The following PLD1 variants were observed in gnomAD, a reference collection of about 807,000 sequenced individuals.
PLD1 encodes choline phosphatase 1.
Under a neutral mutation model 137.1 loss-of-function variants are expected in PLD1, and 112 were observed. The ratio of observed to expected loss-of-function variants is 0.82; its 90% CI spans 0.70 to 0.96. PLD1 has a LOEUF of 0.96. PLD1 is among the 40% of genes least tolerant of loss of function. The probability of loss-of-function intolerance (pLI) is 0.00; values close to 1 mark genes in which losing one functional copy is unlikely to be tolerated. For missense variants in PLD1, 1,321 were observed against 1,342.0 expected, an observed-to-expected ratio of 0.98 and a Z score of 0.24; for synonymous variants, 431 against 454.7, an observed-to-expected ratio of 0.95 and a Z score of 0.66.
chr3:171,643,167 T>C, intron 22 of PLD1: 1 of 312,290 alleles, frequency 3.2e-6, no homozygotes, highest in Non-Finnish European at 5.8e-6. Flanking sequence ...AGAAGGGTCA[T>C]GAATGAACTT....
intron 8 of PLD1, among the ~76,000 whole-genome samples, chr3:171,724,422 A>G (rs1194089136): frequency 6.6e-6 from 1 of 152,166 alleles, no homozygotes; most frequent in East Asian, 1.9e-4. Context: ...ATCTTTTCGT[A>G]TACTTATTGG....
chr3:171,618,215 C>A (rs962212309), intron 24 of PLD1, among the ~76,000 whole-genome samples: 4 of 152,140 alleles, frequency 2.6e-5, no homozygotes, highest in African/African-American at 9.7e-5. Flanking sequence ...GAATTGTGTG[C>A]AAAATTGATC....
intron 1 of PLD1, among the ~76,000 whole-genome samples, chr3:171,805,152 T>C (rs1723796017): frequency 6.6e-6 from 1 of 152,230 alleles, no homozygotes; most frequent in Admixed American, 6.5e-5. Flanking sequence ...AAGTTATTTT[T>C]ATTTCCATGT....
At chr3:171,810,081 G>T (rs1190333739) in intron 1 of PLD1, among the ~76,000 whole-genome samples, 1 of 152,236 alleles carries the variant, frequency 6.6e-6, no homozygotes, top group Non-Finnish European at 1.5e-5. Flanking sequence ...TGGCGGCGAG[G>T]CGGTGCATCC....
At chr3:171,710,872 C>CT (rs774704143) in intron 9 of PLD1, among the ~76,000 whole-genome samples, 33,594 of 98,392 alleles carry the variant, frequency 0.34, 7,711 homozygotes, top group Non-Finnish European at 0.37. Flanking sequence ...GAAAACTGTT[C>CT]TTTTTTTTTT....
rs1177393862 is a variant in PLD1, at chr3:171,643,537, A to G, written c.2544-648T>C. Among the ~76,000 whole-genome samples, 10 of 152,124 alleles carry G rather than the reference A, an allele frequency of 6.6e-5. No homozygotes were observed. The East Asian group carries it at 1.9e-3, about 29-fold the overall frequency. On this transcript the variant is annotated intron_variant, in intron 22 of 26. Coordinates refer to ENST00000351298, the MANE Select transcript of PLD1 (RefSeq NM_002662.5). ...CTATTATTAAAGATGATGCCAGCAA[A>G]TAGAGATGTTTTTGCATAATAAAAG...
In PLD1 at chr3:171,677,465, A is replaced by G. The variant is rs369667341; in HGVS notation, c.1996+101T>C. The G allele has an allele frequency of 1.2e-4, 141 of 1,225,180 alleles. No homozygotes were observed. The African/African-American group carries it at 1.3e-3, about 12-fold the overall frequency. 75.9% of individuals were successfully genotyped at this position (1,225,180 alleles called of 1,614,324 possible). On this transcript the variant is annotated intron_variant, in intron 17 of 26. Transcript: ENST00000351298. Reference sequence around the variant, plus strand: ...TAAAAAATTTTCAAAAATCAACGGAAGCAAAACAAAAGGCATTTAGATCAT... The same window carrying G: ...TAAAAAATTTTCAAAAATCAACGGAGGCAAAACAAAAGGCATTTAGATCAT...
chr3:171,735,622 G>C lies in PLD1; in HGVS notation c.304C>G (p.Leu102Val). Residue 102 changes from leucine (L) to valine (V), a missense_variant, in exon 4 of 27, where the codon CTT becomes GTT. Leu to Val is a conservative substitution (Grantham distance 32). Coordinates refer to ENST00000351298, the MANE Select transcript of PLD1 (RefSeq NM_002662.5). Reference sequence around the variant, plus strand: ...CCATGTGTTAATTCAATAGTGTAAAGATTAATACTTGGTACCTACAGTGAT... The same window carrying C: ...CCATGTGTTAATTCAATAGTGTAAACATTAATACTTGGTACCTACAGTGAT... Reference protein sequence around the residue: ...TSTTRVPSINLYTIELTHGEF... With the variant: ...TSTTRVPSINVYTIELTHGEF... 1.3e-6 allele frequency: 2 copies of C among 1,521,288 alleles called. No individual in the cohort carries two copies. Among genetic ancestry groups the C allele is most frequent in the Non-Finnish European group, 1.8e-6 (2 of 1,095,550 alleles). The allele number at this position is 1,521,288 out of a possible 1,614,324, so 94.2% of individuals were successfully genotyped here.
intron 12 of PLD1, 71 bp downstream of exon 12, chr3:171,699,674 G>T: frequency 9.0e-7 from 1 of 1,115,710 alleles, no homozygotes; most frequent in South Asian, 1.3e-5. Context: ...GAAAGGCTTT[G>T]AAAAGAAAAG....
chr3:171,701,443 A>G (rs1716229892), intron 11 of PLD1, among the ~76,000 whole-genome samples: 1 of 152,226 alleles, frequency 6.6e-6, no homozygotes, highest in Non-Finnish European at 1.5e-5. Flanking sequence ...TTTGATGTGT[A>G]CATTAAATAT....
chr3:171,654,300 C>CAAAAAAAAAAAA (rs35731319), intron 21 of PLD1: 1 of 110,258 alleles, frequency 9.1e-6, no homozygotes, highest in East Asian at 3.4e-4. Context: ...AAGACTGTCT[C>CAAAAAAAAAAAA]AAAAAAAAAA....
At chr3:171,718,159 G>A (rs955694957) in intron 8 of PLD1, among the ~76,000 whole-genome samples, 7 of 152,166 alleles carry the variant, frequency 4.6e-5, no homozygotes, top group Non-Finnish European at 8.8e-5. Flanking sequence ...AACTGTCAGA[G>A]ACTACTATGA....
chr3:171,807,192 C>G (rs1214699157), intron 1 of PLD1, among the ~76,000 whole-genome samples: 1 of 152,056 alleles, frequency 6.6e-6, no homozygotes, highest in African/African-American at 2.4e-5. Flanking sequence ...ACCTCTAGTT[C>G]CAGCTACTCA....
chr3:171,803,822 C>T (rs1009406101), intron 1 of PLD1, among the ~76,000 whole-genome samples: 5 of 152,118 alleles, frequency 3.3e-5, no homozygotes, highest in Admixed American at 6.5e-5. Context: ...GCAATAGTTA[C>T]AGTATTTTCA....
Position 171,703,900 on chromosome 3 carries a change from C to A in PLD1, c.1146-4074G>T, listed in dbSNP as rs140347854. Among the ~76,000 whole-genome samples the A allele has an allele frequency of 5.9e-5, 9 of 152,288 alleles. No homozygotes were observed. The East Asian group carries it at 1.7e-3, about 29-fold the overall frequency. On this transcript the variant is annotated intron_variant, in intron 11 of 26. Coordinates refer to ENST00000351298, the MANE Select transcript of PLD1 (RefSeq NM_002662.5). ...CCCAAAGTTACTAAAACCTCTGAGG[C>A]AGGGGAAATCTCCTCTCCAATGGAG... is the stretch of plus-strand genomic sequence containing the variant.
At chr3:171,650,877 G>A (rs1340735094) in intron 21 of PLD1, among the ~76,000 whole-genome samples, 1 of 151,968 alleles carries the variant, frequency 6.6e-6, no homozygotes, top group Admixed American at 6.6e-5. Flanking sequence ...CCAGCAGCCC[G>A]GGCGACAGAG....
intron 23 of PLD1, among the ~76,000 whole-genome samples, chr3:171,638,184 CAAAAAAAAAAAA>C (rs1040418705): frequency 1.2e-4 from 8 of 66,816 alleles, no homozygotes; most frequent in Non-Finnish European, 1.2e-4. Flanking sequence ...GACTCCGTCT[CAAAAAAAAAAAA>C]AAAAAAAAAA....
chr3:171,721,818 AC>A (rs1219133741), intron 8 of PLD1, among the ~76,000 whole-genome samples: 1 of 151,064 alleles, frequency 6.6e-6, no homozygotes, highest in East Asian at 1.9e-4. Flanking sequence ...TTTTTCCCTT[AC>A]AAAAATTTTC....
intron 1 of PLD1, among the ~76,000 whole-genome samples, chr3:171,753,848 T>C (rs187617658): frequency 6.6e-6 from 1 of 152,310 alleles, no homozygotes; most frequent in Admixed American, 6.5e-5. Flanking sequence ...CTCCCTGTGA[T>C]TCATAGTTGA....
Sources: gnomAD v4.1 joint callset for allele counts (sites outside exome capture counted in the v4.1 genomes callset) on GRCh38, gnomAD v4.1.1 for gene constraint, MANE v1.5 for transcripts, NCBI Gene and HGNC (gene_info 2026-07-23, HGNC 2026-07-21) for gene names.